Variants in PAPSS1 observed in about 807,000 individuals in gnomAD.
The protein encoded by PAPSS1 is bifunctional 3'-phosphoadenosine 5'-phosphosulfate synthase 1.
In PAPSS1, 50 loss-of-function variants were observed where a neutral mutation model predicts 72.0. The observed-to-expected ratio is 0.69, with a 90% CI of 0.55 to 0.88. The LOEUF is 0.88. Among genes scored for constraint, PAPSS1 ranks in the 40% least tolerant of loss-of-function variants. PAPSS1 has a pLI of 0.00. For synonymous variants in PAPSS1, 261 were observed against 263.6 expected (o/e 0.99, Z 0.09); for missense variants, 657 against 782.2 (o/e 0.84, Z 1.91).
chr4:107,691,263 A>T (rs1722911668), intron 3 of PAPSS1, among the ~76,000 whole-genome samples: 1 of 152,180 alleles, frequency 6.6e-6, no homozygotes, highest in African/African-American at 2.4e-5. Context: ...CATTTATTGA[A>T]TAGTTATTAC....
chr4:107,704,637 G>C (rs529808368), intron 1 of PAPSS1, among the ~76,000 whole-genome samples: 2 of 152,246 alleles, frequency 1.3e-5, no homozygotes, highest in South Asian at 2.1e-4. Flanking sequence ...TTCTGTTAGT[G>C]TGGTGCATCA....
chr4:107,675,959 A>G (rs12512015), intron 5 of PAPSS1, among the ~76,000 whole-genome samples: 27,622 of 152,240 alleles, frequency 0.18, 2,953 homozygotes, highest in East Asian at 0.37. Context: ...AGAGATGCAG[A>G]AAAGGCCTTT....
At chr4:107,712,297 A>G (rs191418279) in intron 1 of PAPSS1, among the ~76,000 whole-genome samples, 1 of 152,314 alleles carries the variant, frequency 6.6e-6, no homozygotes, top group Admixed American at 6.5e-5. Flanking sequence ...CAATAAAAAC[A>G]AAAACATTTC....
At chr4:107,663,254 G>C (rs986249220) in intron 5 of PAPSS1, among the ~76,000 whole-genome samples, 67 of 152,102 alleles carry the variant, frequency 4.4e-4, no homozygotes, top group African/African-American at 1.4e-3. Flanking sequence ...TATTTCCAAT[G>C]TTCTTATCAC....
At chr4:107,683,662 A>C (rs528823195) in intron 4 of PAPSS1, among the ~76,000 whole-genome samples, 1 of 152,332 alleles carries the variant, frequency 6.6e-6, no homozygotes, top group South Asian at 2.1e-4. Context: ...AAACATATTT[A>C]AGCAGGTAAT....
rs1457383463 is a variant in PAPSS1, at chr4:107,693,900, AC to A, written c.281del (p.Gly94ValfsTer32). On this transcript the variant is annotated frameshift_variant, in exon 3 of 12. Transcript: ENST00000265174. LOFTEE classifies it high-confidence loss of function. ...YTLDGDNIRQ[G>X]LNKNLGFSPE... Reference sequence around the variant, plus strand: ...GACTAAAGCCAAGATTTTTATTGAGACCTTGACGAATATTGTCACCATCCAG... The same window carrying A: ...GACTAAAGCCAAGATTTTTATTGAGACTTGACGAATATTGTCACCATCCAG... 1.2e-6 allele frequency: 2 copies of A among 1,613,782 alleles called. No homozygotes were observed. Among genetic ancestry groups the A allele is most frequent in the South Asian group, 2.2e-5 (2 of 91,080 alleles).
chr4:107,676,729 C>T (rs1021084566), intron 5 of PAPSS1, among the ~76,000 whole-genome samples: 3 of 152,176 alleles, frequency 2.0e-5, no homozygotes, highest in African/African-American at 7.2e-5. Context: ...ATTGCCAAGT[C>T]AATCCTAAGC....
Position 107,699,718 on chromosome 4 carries a change from G to C in PAPSS1, c.175+1453C>G, listed in dbSNP as rs79997516. ...CTCCTAAAAAGAAAAAGCTGATTAG[G>C]CTCACACTTATTCAAAACATTTAAT... On this transcript the variant is annotated intron_variant, in intron 2 of 11. Transcript: ENST00000265174. Among the ~76,000 whole-genome samples the C allele has an allele frequency of 9.4e-3, 1,424 of 152,226 alleles. 19 individuals are homozygous for C. The highest frequency in any genetic ancestry group is 0.016 in the Non-Finnish European group (1,076 of 68,008).
chr4:107,628,946 T>C (rs926454489), intron 11 of PAPSS1, among the ~76,000 whole-genome samples: 6 of 152,184 alleles, frequency 3.9e-5, no homozygotes, highest in Non-Finnish European at 8.8e-5. Context: ...GTACTACCTA[T>C]AGATGAAAGT....
intron 5 of PAPSS1, among the ~76,000 whole-genome samples, chr4:107,677,750 G>A (rs1318709116): frequency 6.6e-6 from 1 of 152,132 alleles, no homozygotes; most frequent in Non-Finnish European, 1.5e-5. Context: ...TGTTTATTGT[G>A]GCACTATTCA....
At chr4:107,694,176 T>C in intron 2 of PAPSS1, 170 bp from the exon 3 acceptor site, 1 of 573,822 alleles carries the variant, frequency 1.7e-6, no homozygotes, top group Non-Finnish European at 3.1e-6. Context: ...AGATCATGCC[T>C]CAGCCTTCCA....
intron 5 of PAPSS1, among the ~76,000 whole-genome samples, chr4:107,667,452 G>A (rs1342640854): frequency 6.6e-6 from 1 of 152,210 alleles, no homozygotes; most frequent in Non-Finnish European, 1.5e-5. Flanking sequence ...AGGCAAGAAA[G>A]TGGGTAGCCT....
At chr4:107,654,985 A>G (rs1439060755) in intron 7 of PAPSS1, 85 bp from the exon 8 acceptor site, 2 of 935,676 alleles carry the variant, frequency 2.1e-6, no homozygotes, top group African/African-American at 1.6e-5. Flanking sequence ...TTCAGGGGAC[A>G]CTTTTCAAAT....
chr4:107,681,790 C>T (rs1275237708), intron 5 of PAPSS1, among the ~76,000 whole-genome samples: 3 of 152,146 alleles, frequency 2.0e-5, no homozygotes, highest in South Asian at 4.1e-4. Context: ...ACTCCTAAGC[C>T]TCCTGAGGTT....
intron 2 of PAPSS1, among the ~76,000 whole-genome samples, chr4:107,700,156 AAG>A (rs1420962975): frequency 1.3e-5 from 2 of 152,218 alleles, no homozygotes; most frequent in Non-Finnish European, 2.9e-5. Flanking sequence ...AAAAAAACAA[AAG>A]AGTAACTTTT....
chr4:107,660,708 C>T (rs754719817), intron 5 of PAPSS1, among the ~76,000 whole-genome samples: 1 of 152,136 alleles, frequency 6.6e-6, no homozygotes, highest in Non-Finnish European at 1.5e-5. Context: ...ACATACTGCT[C>T]ATTAGGAGCT....
chr4:107,640,495 G>T (rs1456827043), intron 10 of PAPSS1, among the ~76,000 whole-genome samples: 2 of 147,898 alleles, frequency 1.4e-5, no homozygotes, highest in East Asian at 2.2e-4. Context: ...ATTATTAGTT[G>T]GCAAATAAGC....
intron 5 of PAPSS1, among the ~76,000 whole-genome samples, chr4:107,678,128 T>C (rs1212569017): frequency 6.6e-6 from 1 of 151,772 alleles, no homozygotes; most frequent in African/African-American, 2.4e-5. Context: ...ATGGCACATG[T>C]ATACATATGT....
At chr4:107,625,720 C>T (rs1040505892) in intron 11 of PAPSS1, among the ~76,000 whole-genome samples, 3 of 151,966 alleles carry the variant, frequency 2.0e-5, no homozygotes, top group Non-Finnish European at 2.9e-5. Context: ...TACGCAACAA[C>T]GAAAAACTAA....
Sources: gnomAD v4.1 joint callset for allele counts (sites outside exome capture counted in the v4.1 genomes callset) on GRCh38, gnomAD v4.1.1 for gene constraint, MANE v1.5 for transcripts, NCBI Gene and HGNC (gene_info 2026-07-23, HGNC 2026-07-21) for gene names.